Variants in CREB3L2 observed in about 807,000 individuals in gnomAD.
CREB3L2 encodes cAMP responsive element binding protein 3 like 2, also known as cyclic AMP-responsive element-binding protein 3-like protein 2.
In CREB3L2, 23 loss-of-function variants were observed where a neutral mutation model predicts 57.2. The ratio of observed to expected loss-of-function variants is 0.40; its 90% CI spans 0.29 to 0.57. The LOEUF (loss-of-function observed/expected upper bound fraction) is 0.57, where lower values mean the gene tolerates loss of function less well. Ranked by LOEUF, CREB3L2 falls within the 20% of genes least tolerant of loss-of-function variation. The pLI is 0.42. For synonymous variants in CREB3L2, 268 were observed against 265.1 expected (o/e 1.01, Z -0.11); for missense variants, 628 against 634.7 (o/e 0.99, Z 0.11).
In CREB3L2 at chr7:137,912,872, A is replaced by G. The variant is rs1043138457; in HGVS notation, c.583+119T>C. 15 of 1,547,608 alleles carry G rather than the reference A, an allele frequency of 9.7e-6. No individual in the cohort carries two copies. The African/African-American group carries it at 2.0e-4, about 21-fold the overall frequency. ...TATTTTTTAAGAACAGAGCTATTTC[A>G]TAAAGCCAGCTACAACATCTGTGGT... On this transcript the variant is annotated intron_variant, in intron 4 of 11. Transcript: ENST00000330387.
chr7:137,997,778 C>T (rs1802011173), intron 1 of CREB3L2, among the ~76,000 whole-genome samples: 1 of 152,044 alleles, frequency 6.6e-6, no homozygotes, highest in African/African-American at 2.4e-5. Context: ...AAAGCACAGA[C>T]AATTCCCAGA....
At chr7:137,973,175 GA>G (rs56720528) in intron 1 of CREB3L2, among the ~76,000 whole-genome samples, 40,636 of 129,630 alleles carry the variant, frequency 0.31, 8,823 homozygotes, top group African/African-American at 0.63. Flanking sequence ...TAATAATAAT[GA>G]AAAAAAAAAA....
rs1222916424 is a variant in CREB3L2, at chr7:137,908,291, G to A, written c.729C>T (p.Pro243=). 4.8e-6 allele frequency: 6 copies of A among 1,258,390 alleles called. No individual in the cohort carries two copies. The highest frequency in any genetic ancestry group is 6.0e-6 in the Non-Finnish European group (6 of 992,488). 78.0% of individuals were successfully genotyped at this position (1,258,390 alleles called of 1,614,324 possible). Residue 243 remains proline, a synonymous_variant, in exon 5 of 12, where the codon CCC becomes CCT. Transcript: ENST00000330387. The part of the protein sequence containing the change: ...HSPSRAAPRA[P]SALSSSPLLT... ...GGAGAGGGGAGCTGGAGAGGGCGGA[G>A]GGGGCCCGGGGTGCAGCTCTGGAGG...
intron 6 of CREB3L2, 102 bp downstream of exon 6, chr7:137,905,600 C>T: frequency 7.7e-7 from 1 of 1,294,878 alleles, no homozygotes; most frequent in South Asian, 1.2e-5. Flanking sequence ...TGGTCTCCAC[C>T]ATGGGATGGG....
Position 137,876,582 on chromosome 7 carries a change from C to A in CREB3L2, c.*3894G>T, listed in dbSNP as rs984754430. 1 of 233,128 alleles carries A rather than the reference C, an allele frequency of 4.3e-6. No homozygotes were observed. Among genetic ancestry groups the A allele is most frequent in the Admixed American group, 5.6e-5 (1 of 17,784 alleles). The allele number at this position is 233,128 out of a possible 1,614,324, so 14.4% of individuals were successfully genotyped here. A position where few individuals can be genotyped will look rare whatever the true frequency, so the allele number is the denominator to read the frequency against. Reference sequence around the variant, plus strand: ...GTCTCTGGATCCTTCACAGCCCTCACGTCACCACCACCTACTCTCTCCTGT... The same window carrying A: ...GTCTCTGGATCCTTCACAGCCCTCAAGTCACCACCACCTACTCTCTCCTGT... On this transcript the variant is annotated 3_prime_UTR_variant, in exon 12 of 12. Coordinates refer to ENST00000330387, the MANE Select transcript of CREB3L2 (RefSeq NM_194071.4).
At chr7:137,988,022 A>C (rs1410494130) in intron 1 of CREB3L2, among the ~76,000 whole-genome samples, 1 of 152,208 alleles carries the variant, frequency 6.6e-6, no homozygotes, top group African/African-American at 2.4e-5. Context: ...TCCTTCAAAG[A>C]GCCTGCTCTG....
At chr7:137,969,298 AG>A (rs1488852334) in intron 1 of CREB3L2, among the ~76,000 whole-genome samples, 1 of 151,600 alleles carries the variant, frequency 6.6e-6, no homozygotes, top group African/African-American at 2.4e-5. Context: ...CTTAGATAAT[AG>A]CAGTGTATTA....
intron 1 of CREB3L2, among the ~76,000 whole-genome samples, chr7:137,971,619 C>G (rs1801509179): frequency 6.6e-6 from 1 of 151,902 alleles, no homozygotes; most frequent in Non-Finnish European, 1.5e-5. Context: ...ATCTCTTTCC[C>G]CATTGTAAAT....
intron 5 of CREB3L2, among the ~76,000 whole-genome samples, chr7:137,907,343 T>C (rs1483360825): frequency 6.6e-6 from 1 of 152,192 alleles, no homozygotes. Context: ...GGACAGATCA[T>C]AGTAGTACAC....
chr7:137,950,593 T>C (rs1801076918), intron 1 of CREB3L2, among the ~76,000 whole-genome samples: 1 of 152,140 alleles, frequency 6.6e-6, no homozygotes, highest in South Asian at 2.1e-4. Flanking sequence ...GAGGAGGTAT[T>C]ACGAAGGCTC....
chr7:137,976,233 C>T (rs1412776507), intron 1 of CREB3L2, among the ~76,000 whole-genome samples: 4 of 152,234 alleles, frequency 2.6e-5, no homozygotes, highest in African/African-American at 4.8e-5. Flanking sequence ...TATGGCCACC[C>T]AGCCACCAGG....
chr7:137,917,766 G>A (rs889393343), intron 2 of CREB3L2, among the ~76,000 whole-genome samples: 1 of 152,178 alleles, frequency 6.6e-6, no homozygotes, highest in South Asian at 2.1e-4. Flanking sequence ...TATAATTGAT[G>A]AATTATCCCA....
intron 1 of CREB3L2, among the ~76,000 whole-genome samples, chr7:137,994,482 C>T (rs1033080121): frequency 1.3e-5 from 2 of 152,196 alleles, no homozygotes; most frequent in Non-Finnish European, 2.9e-5. Context: ...CGCCAAGAGT[C>T]CAGATAATAC....
chr7:137,950,002 A>G (rs1176630186), intron 1 of CREB3L2, among the ~76,000 whole-genome samples: 5 of 152,214 alleles, frequency 3.3e-5, no homozygotes, highest in African/African-American at 1.2e-4. Context: ...TTTAATCTTC[A>G]CAACAGACAT....
At chr7:137,940,433 T>C (rs1800862614) in intron 1 of CREB3L2, among the ~76,000 whole-genome samples, 1 of 152,190 alleles carries the variant, frequency 6.6e-6, no homozygotes, top group South Asian at 2.1e-4. Context: ...CACAGACTAG[T>C]GAAGCTTGAG....
chr7:137,946,717 TTATA>T (rs946105939), intron 1 of CREB3L2, among the ~76,000 whole-genome samples: 1 of 145,416 alleles, frequency 6.9e-6, no homozygotes, highest in African/African-American at 2.5e-5. Flanking sequence ...TTATATATAG[TTATA>T]TATATATAGT....
chr7:137,995,060 C>T (rs1442870954), intron 1 of CREB3L2, among the ~76,000 whole-genome samples: 1 of 152,170 alleles, frequency 6.6e-6, no homozygotes, highest in Non-Finnish European at 1.5e-5. Context: ...TAAGAATGGT[C>T]ATATGACCGA....
chr7:137,969,871 A>T (rs1330416797), intron 1 of CREB3L2, among the ~76,000 whole-genome samples: 1 of 152,048 alleles, frequency 6.6e-6, no homozygotes, highest in East Asian at 1.9e-4. Context: ...TAGTCAAATG[A>T]TATATGTCTT....
intron 8 of CREB3L2, among the ~76,000 whole-genome samples, chr7:137,889,923 G>GA (rs1286107935): frequency 1.3e-5 from 2 of 152,140 alleles, no homozygotes; most frequent in African/African-American, 4.8e-5. Context: ...GACCTAAGAT[G>GA]TAAACCAAAA....
Sources: gnomAD v4.1 joint callset for allele counts (sites outside exome capture counted in the v4.1 genomes callset) on GRCh38, gnomAD v4.1.1 for gene constraint, MANE v1.5 for transcripts, NCBI Gene and HGNC (gene_info 2026-07-23, HGNC 2026-07-21) for gene names.